The following SWT1 variants were observed in gnomAD, a reference collection of about 807,000 sequenced individuals.
The protein encoded by SWT1 is transcriptional protein SWT1.
A neutral mutation model predicts 107.3 loss-of-function variants in SWT1; 33 were observed. The ratio of observed to expected loss-of-function variants is 0.31; its 90% CI spans 0.23 to 0.41. The LOEUF is 0.41. Among genes scored for constraint, SWT1 ranks in the 10% least tolerant of loss-of-function variants. SWT1 has a pLI of 1.00. For missense variants in SWT1, 898 were observed against 1,028.9 expected, an observed-to-expected ratio of 0.87 and a Z score of 1.74; for synonymous variants, 345 against 348.3, an observed-to-expected ratio of 0.99 and a Z score of 0.11.
chr1:185,286,110 C>T (rs1664930502), intron 18 of SWT1, among the ~76,000 whole-genome samples: 1 of 152,162 alleles, frequency 6.6e-6, no homozygotes, highest in Non-Finnish European at 1.5e-5. Context: ...ATAGAAATTG[C>T]ATTGACAATG....
chr1:185,226,059 A>G (rs1660029647), intron 15 of SWT1, among the ~76,000 whole-genome samples: 1 of 152,174 alleles, frequency 6.6e-6, no homozygotes, highest in South Asian at 2.1e-4. Flanking sequence ...CTAATCAGAC[A>G]TTCTGGTTAG....
At chr1:185,214,690 A>G in intron 14 of SWT1, 35 bp downstream of exon 14, 2 of 1,554,138 alleles carry the variant, frequency 1.3e-6, no homozygotes, top group Non-Finnish European at 1.7e-6. Flanking sequence ...TAGAGTAGCT[A>G]ATTATACATG....
intron 16 of SWT1, among the ~76,000 whole-genome samples, chr1:185,247,437 T>C (rs1661694458): frequency 6.6e-6 from 1 of 152,236 alleles, no homozygotes; most frequent in Non-Finnish European, 1.5e-5. Context: ...CTGTTGATGC[T>C]TTAGGCTTTC....
At chr1:185,229,905 T>C (rs1454168622) in intron 15 of SWT1, among the ~76,000 whole-genome samples, 1 of 151,894 alleles carries the variant, frequency 6.6e-6, no homozygotes, top group African/African-American at 2.4e-5. Context: ...AGCAGAGTGG[T>C]GGTTGCAGGG....
At chr1:185,272,351 T>C (rs1164063889) in intron 17 of SWT1, among the ~76,000 whole-genome samples, 2 of 152,242 alleles carry the variant, frequency 1.3e-5, no homozygotes, top group African/African-American at 2.4e-5. Flanking sequence ...TTACTTTCAA[T>C]TTTGTGTGTA....
intron 5 of SWT1, chr1:185,176,499 G>A: frequency 7.7e-6 from 7 of 907,994 alleles, no homozygotes; most frequent in Non-Finnish European, 9.2e-6. Flanking sequence ...ATTATGTAAT[G>A]TAATTGCCAT....
At position 185,271,304 on chromosome 1, in the gene SWT1, T is replaced by C; in HGVS notation, c.2442-19T>C. The C allele has an allele frequency of 1.5e-6, 2 of 1,377,112 alleles. No homozygotes were observed. Among genetic ancestry groups the C allele is most frequent in the Non-Finnish European group, 2.1e-6 (2 of 966,314 alleles). 85.3% of individuals were successfully genotyped at this position (1,377,112 alleles called of 1,614,324 possible). The stretch of plus-strand genomic sequence containing the variant: ...TGAAATCATTTATTCCCCCCCTTTG[T>C]TTTTATTTTATTTTTTAGGATTTTG... On this transcript the variant is annotated intron_variant, in intron 16 of 18. Transcript: ENST00000367500.
At chr1:185,199,349 G>T (rs940274101) in intron 10 of SWT1, among the ~76,000 whole-genome samples, 1 of 152,182 alleles carries the variant, frequency 6.6e-6, no homozygotes, top group African/African-American at 2.4e-5. Flanking sequence ...AGTGTCGATG[G>T]TCTTTACAAT....
At chr1:185,215,896 A>G (rs1659180653) in intron 14 of SWT1, among the ~76,000 whole-genome samples, 1 of 152,142 alleles carries the variant, frequency 6.6e-6, no homozygotes, top group Non-Finnish European at 1.5e-5. Context: ...CAGCTCAAAA[A>G]ACCTCAGTTA....
intron 18 of SWT1, among the ~76,000 whole-genome samples, chr1:185,288,478 A>G (rs973792237): frequency 6.6e-6 from 1 of 151,528 alleles, no homozygotes; most frequent in African/African-American, 2.4e-5. Context: ...TGTTGTCACT[A>G]CTCCTTGTCC....
At chr1:185,196,893 T>C (rs1450133563) in intron 10 of SWT1, among the ~76,000 whole-genome samples, 1 of 152,220 alleles carries the variant, frequency 6.6e-6, no homozygotes, top group Non-Finnish European at 1.5e-5. Flanking sequence ...TCATGTCATC[T>C]GCAAATAGAG....
Position 185,189,775 on chromosome 1 carries a change from GTT to G in SWT1, c.1430-771_1430-770del, listed in dbSNP as rs754467578. ...ATTTTCTTGTCTTTTTATGTAAAAA[GTT>G]TTCTTTCTTTTATATGTACATAAAT... On this transcript the variant is annotated intron_variant, in intron 9 of 18. Transcript: ENST00000367500. Among the ~76,000 whole-genome samples the G allele has an allele frequency of 1.9e-4, 29 of 150,760 alleles. No homozygotes were observed. The East Asian group carries it at 2.3e-3, about 12-fold the overall frequency.
intron 1 of SWT1, 34 bp from the exon 2 acceptor site, chr1:185,160,799 A>G (rs1448304074): frequency 6.6e-7 from 1 of 1,516,842 alleles, no homozygotes; most frequent in Non-Finnish European, 9.0e-7. Context: ...TTTGAGTGCA[A>G]AAACAAATCC....
At chr1:185,209,072 C>T (rs1466629299) in intron 13 of SWT1, among the ~76,000 whole-genome samples, 1 of 152,024 alleles carries the variant, frequency 6.6e-6, no homozygotes, top group East Asian at 1.9e-4. Context: ...TGCATACATG[C>T]AAGACGTGGA....
chr1:185,251,798 A>AT lies in SWT1; in HGVS notation c.2442-19517dup, dbSNP rs935775833. 6.7e-4 allele frequency among the ~76,000 whole-genome samples: 98 copies of AT among 146,890 alleles called. 1 individual carries two copies. Among genetic ancestry groups the AT allele is most frequent in the Admixed American group, 2.4e-3 (36 of 14,992 alleles). On this transcript the variant is annotated intron_variant, in intron 16 of 18. Coordinates refer to ENST00000367500, the MANE Select transcript of SWT1 (RefSeq NM_017673.7). ...AGTAAAACAATTTATATATATATAT[A>AT]TTTTTTTTATTATACTTTAAATTTT... is the stretch of plus-strand genomic sequence containing the variant.
rs1660512762 is a variant in SWT1 at position 185,231,606 on chromosome 1, A to G, written c.2339A>G (p.Asn780Ser). Residue 780 changes from asparagine to serine, a missense_variant, in exon 16 of 19, where the codon AAT becomes AGT. Asn to Ser is a conservative substitution (Grantham distance 46). This residue lies in a region of SWT1 where 382 missense variants were observed against 460.0 expected (regional missense o/e 0.83). Coordinates refer to ENST00000367500, the MANE Select transcript of SWT1 (RefSeq NM_017673.7). ...GATGTATTTCAAAGATTGGGCTCAAATTCAGCTCTGACTACTTCAAATATA... is the reference window on the plus strand; with the variant it reads ...GATGTATTTCAAAGATTGGGCTCAAGTTCAGCTCTGACTACTTCAAATATA... ...STDVFQRLGSNSALTTSNIAS... is the reference protein window; with the variant it reads ...STDVFQRLGSSSALTTSNIAS... The G allele has an allele frequency of 1.2e-5, 20 of 1,610,868 alleles. No homozygotes were observed. The highest frequency in any genetic ancestry group is 1.7e-5 in the Non-Finnish European group (20 of 1,177,740).
intron 18 of SWT1, among the ~76,000 whole-genome samples, chr1:185,279,756 A>G (rs1664499081): frequency 6.7e-6 from 1 of 150,370 alleles, no homozygotes; most frequent in Admixed American, 6.7e-5. Flanking sequence ...CCAATTGTGG[A>G]AGATGAAAGG....
Position 185,184,237 on chromosome 1 carries a change from C to G in SWT1, c.1139-6C>G, listed in dbSNP as rs774874886. 1.4e-6 allele frequency: 2 copies of G among 1,428,540 alleles called. No homozygotes were observed. The highest frequency in any genetic ancestry group is 1.9e-6 in the Non-Finnish European group (2 of 1,036,648). 88.5% of individuals were successfully genotyped at this position (1,428,540 alleles called of 1,614,324 possible). A position where few individuals can be genotyped will look rare whatever the true frequency, so the allele number is the denominator to read the frequency against. ...GTGTCATGAAATATTTGCTCTTTTT[C>G]TTTAGCAAATAATACTTCAGACAGA... On this transcript the variant is annotated splice_region_variant and splice_polypyrimidine_tract_variant and intron_variant, in intron 7 of 18. Transcript: ENST00000367500.
At chr1:185,197,476 T>G (rs1345928040) in intron 10 of SWT1, among the ~76,000 whole-genome samples, 1 of 152,216 alleles carries the variant, frequency 6.6e-6, no homozygotes, top group Non-Finnish European at 1.5e-5. Context: ...GCTGGCCTCA[T>G]GCGTTAGGGA....
Sources: allele counts gnomAD v4.1 joint callset (sites outside exome capture counted in the v4.1 genomes callset), GRCh38; gene constraint gnomAD v4.1.1; regional missense constraint gnomAD v4.1.1; transcripts MANE v1.5; gene names NCBI Gene and HGNC (gene_info 2026-07-23, HGNC 2026-07-21).